The following COG2 variants were observed in gnomAD, a reference collection of about 807,000 sequenced individuals.
The protein encoded by COG2 is component of oligomeric golgi complex 2.
Under a neutral mutation model 90.6 loss-of-function variants are expected in COG2, and 52 were observed. The observed-to-expected ratio is 0.57, with a 90% CI of 0.46 to 0.72. COG2 has a LOEUF of 0.72. Among genes scored for constraint, COG2 ranks in the 30% least tolerant of loss-of-function variants. The probability of loss-of-function intolerance (pLI) is 0.00; values close to 1 mark genes in which losing one functional copy is unlikely to be tolerated. For synonymous variants in COG2, 337 were observed against 320.4 expected (o/e 1.05, Z -0.55); for missense variants, 829 against 891.2 (o/e 0.93, Z 0.89).
At chr1:230,642,934 A>G (rs927236311) in intron 1 of COG2, 3 of 499,530 alleles carry the variant, frequency 6.0e-6, no homozygotes, top group African/African-American at 2.0e-5. Context: ...TTTGAGCTGC[A>G]TGTCAAAGCC....
At chr1:230,655,917 C>G (rs12723714) in intron 1 of COG2, among the ~76,000 whole-genome samples, 8,161 of 152,098 alleles carry the variant, frequency 0.054, 248 homozygotes, top group Middle Eastern at 0.088. Flanking sequence ...TGATGGTAGT[C>G]TGTATTTCTG....
chr1:230,665,657 T>C (rs1400474432), intron 5 of COG2, among the ~76,000 whole-genome samples: 8 of 152,200 alleles, frequency 5.3e-5, no homozygotes, highest in Admixed American at 3.9e-4. Flanking sequence ...GATCGAGATG[T>C]ATAAATAAGT....
intron 15 of COG2, 161 bp from the exon 16 acceptor site, chr1:230,689,852 CT>C: frequency 1.6e-6 from 1 of 630,628 alleles, no homozygotes; most frequent in Non-Finnish European, 2.7e-6. Context: ...CTCCAGGCAG[CT>C]TTCTGTGGAC....
intron 7 of COG2, chr1:230,669,770 CTTCAAGGGCGAGA>C (rs1208544988): frequency 5.2e-6 from 2 of 386,030 alleles, no homozygotes; most frequent in Non-Finnish European, 9.3e-6. Flanking sequence ...GCGGCTCAGG[CTTCAAGGGCGAGA>C]TTCAAGGGCA....
intron 9 of COG2, among the ~76,000 whole-genome samples, chr1:230,676,623 G>T (rs1374215204): frequency 2.0e-5 from 3 of 151,938 alleles, no homozygotes; most frequent in Non-Finnish European, 4.4e-5. Context: ...GTTTGTCATT[G>T]CTTACTGTTC....
chr1:230,650,823 T>A (rs552373470), intron 1 of COG2, among the ~76,000 whole-genome samples: 9 of 152,334 alleles, frequency 5.9e-5, no homozygotes, highest in African/African-American at 2.2e-4. Flanking sequence ...TTTTTATAGT[T>A]TCAGGTCTTA....
At chr1:230,664,364 A>G in intron 4 of COG2, 120 bp from the exon 5 acceptor site, 1 of 422,338 alleles carries the variant, frequency 2.4e-6, no homozygotes, top group South Asian at 9.8e-5. Flanking sequence ...AAAAATATAG[A>G]ATGCTATAGG....
intron 7 of COG2, chr1:230,670,480 A>C (rs1558274061): frequency 6.6e-6 from 1 of 152,214 alleles, no homozygotes; most frequent in Non-Finnish European, 1.5e-5. Flanking sequence ...TCATTTTAAT[A>C]ATTATTTTGG....
intron 5 of COG2, among the ~76,000 whole-genome samples, chr1:230,667,505 G>A (rs537800154): frequency 6.6e-6 from 1 of 152,118 alleles, no homozygotes; most frequent in South Asian, 2.1e-4. Flanking sequence ...CTTAAATTCA[G>A]ATCTGCAAAT....
chr1:230,645,192 C>T (rs1385722023), intron 1 of COG2, among the ~76,000 whole-genome samples: 1 of 135,320 alleles, frequency 7.4e-6, no homozygotes, highest in African/African-American at 2.8e-5. Context: ...GCCAGGATTG[C>T]AGCACTGCAC....
At chr1:230,692,417 A>C (rs1266969696) in intron 17 of COG2, among the ~76,000 whole-genome samples, 1 of 152,138 alleles carries the variant, frequency 6.6e-6, no homozygotes, top group East Asian at 1.9e-4. Context: ...TTTCTTTTAC[A>C]CATCATGATC....
intron 8 of COG2, among the ~76,000 whole-genome samples, chr1:230,674,456 A>T (rs954468658): frequency 6.6e-6 from 1 of 152,252 alleles, no homozygotes; most frequent in Non-Finnish European, 1.5e-5. Context: ...AAAATAAAAC[A>T]TTAATCTGTT....
chr1:230,644,839 G>A (rs1339281141), intron 1 of COG2, among the ~76,000 whole-genome samples: 4 of 152,146 alleles, frequency 2.6e-5, no homozygotes, highest in Non-Finnish European at 4.4e-5. Flanking sequence ...GTTGCAGTTG[G>A]AACTGACTGG....
chr1:230,657,935 T>C (rs1359525437), intron 1 of COG2, among the ~76,000 whole-genome samples: 1 of 152,102 alleles, frequency 6.6e-6, no homozygotes, highest in African/African-American at 2.4e-5. Flanking sequence ...TATATTCTTC[T>C]CCAAACTGGT....
chr1:230,686,864 C>A, intron 12 of COG2, 71 bp from the exon 13 acceptor site: 1 of 978,684 alleles, frequency 1.0e-6, no homozygotes, highest in Non-Finnish European at 1.5e-6. Context: ...TTGACGCGCA[C>A]ATATGTAATA....
At chr1:230,652,788 A>AT (rs1661945043) in intron 1 of COG2, among the ~76,000 whole-genome samples, 1 of 152,192 alleles carries the variant, frequency 6.6e-6, no homozygotes, top group African/African-American at 2.4e-5. Flanking sequence ...CATGTTGAGC[A>AT]TTTTTTCAGA....
rs764366852 is a variant in COG2 at position 230,671,516 on chromosome 1, G to T, written c.775G>T (p.Val259Leu). 46 of 1,607,680 alleles carry T rather than the reference G, an allele frequency of 2.9e-5. No individual in the cohort carries two copies. Among genetic ancestry groups the T allele is most frequent in the Non-Finnish European group, 3.8e-5 (45 of 1,177,352 alleles). Residue 259 changes from valine (V) to leucine (L), a missense_variant and splice_region_variant, in exon 8 of 18, where the codon GTG becomes TTG. By Grantham distance (32) the Val-to-Leu change is conservative. Transcript: ENST00000366669. ...TAAAAAATGATTTTTCTTTTAATAG[G>T]TGATTATAGAGCAGTTTGTTGAATC... The part of the protein sequence containing the change: ...QVLVKPYIDE[V>L]IIEQFVESHP...
chr1:230,663,060 C>T lies in COG2; in HGVS notation c.301-81C>T, dbSNP rs577888271. The T allele has an allele frequency of 3.9e-4, 436 of 1,132,372 alleles. 2 individuals are homozygous for T. The African/African-American group carries it at 6.5e-3, about 17-fold the overall frequency. The allele number at this position is 1,132,372 out of a possible 1,614,324, so 70.1% of individuals were successfully genotyped here. On this transcript the variant is annotated intron_variant, in intron 3 of 17. Coordinates refer to ENST00000366669, the MANE Select transcript of COG2 (RefSeq NM_007357.3). ...AATACTGGCCTGTAGGTGTTAAGTC[C>T]TGTGGAATTGAATTAAATGTGTAAA... is the stretch of plus-strand genomic sequence containing the variant.
At position 230,650,950 on chromosome 1, in the gene COG2, AT is replaced by A. The variant is rs1661901254; in HGVS notation, c.72+8275del. ...TAATGTTTATCGAATATGCAGGGGCATTTATTCTTATCTGTTGGCCCTTTGT... is the reference window on the plus strand; with the variant it reads ...TAATGTTTATCGAATATGCAGGGGCATTATTCTTATCTGTTGGCCCTTTGT... On this transcript the variant is annotated intron_variant, in intron 1 of 17. Coordinates refer to ENST00000366669, the MANE Select transcript of COG2 (RefSeq NM_007357.3). 2.0e-5 allele frequency among the ~76,000 whole-genome samples: 3 copies of A among 152,188 alleles called. No individual in the cohort carries two copies. The South Asian group carries it at 6.2e-4, about 31-fold the overall frequency.
Sources: gnomAD v4.1 joint callset for allele counts (sites outside exome capture counted in the v4.1 genomes callset) on GRCh38, gnomAD v4.1.1 for gene constraint, MANE v1.5 for transcripts, NCBI Gene and HGNC (gene_info 2026-07-23, HGNC 2026-07-21) for gene names.